The following KCNIP4 variants were observed in gnomAD, a reference collection of about 807,000 sequenced individuals.
KCNIP4 encodes potassium voltage-gated channel interacting protein 4.
In KCNIP4, 12 loss-of-function variants were observed where a neutral mutation model predicts 34.0. The ratio of observed to expected loss-of-function variants is 0.35; its 90% CI spans 0.23 to 0.57. KCNIP4 has a LOEUF of 0.57. KCNIP4 is among the 20% of genes least tolerant of loss of function. The pLI, the probability that KCNIP4 is intolerant of heterozygous loss-of-function variation, is 0.83. For missense variants in KCNIP4, 238 were observed against 311.7 expected (o/e 0.76, Z 1.78); for synonymous variants, 124 against 102.2 (o/e 1.21, Z -1.29).
rs552508280 is a variant in KCNIP4, at chr4:21,083,808, G to A, written c.62-201099C>T. 1.7e-4 allele frequency among the ~76,000 whole-genome samples: 26 copies of A among 152,034 alleles called. 1 individual carries two copies. Among genetic ancestry groups the A allele is most frequent in the African/African-American group, 6.3e-4 (26 of 41,364 alleles). On this transcript the variant is annotated intron_variant, in intron 1 of 8. Coordinates refer to ENST00000382152, the MANE Select transcript of KCNIP4 (RefSeq NM_025221.6). The stretch of plus-strand genomic sequence containing the variant: ...TTCTTACAATAGTCACAGGAAACTA[G>A]CACAACTCTCTTCTTTGAAATTCTG...
At chr4:21,522,511 C>T (rs1019324603) in intron 1 of KCNIP4, among the ~76,000 whole-genome samples, 4 of 151,972 alleles carry the variant, frequency 2.6e-5, no homozygotes, top group African/African-American at 9.7e-5. Flanking sequence ...AATGTGCATG[C>T]CACCACACAC....
Position 21,898,783 on chromosome 4 carries a change from T to C in KCNIP4, c.61+49788A>G, listed in dbSNP as rs116780185. Among the ~76,000 whole-genome samples, 1,325 of 152,260 alleles carry C rather than the reference T, an allele frequency of 8.7e-3. 15 individuals are homozygous for C. Among genetic ancestry groups the C allele is most frequent in the South Asian group, 0.034 (164 of 4,828 alleles). ...GGAAGGAAAGAGAAGTAAAGGGGAC[T>C]TCGTCTTATAGCTTGGGTACCAGCT... On this transcript the variant is annotated intron_variant, in intron 1 of 8. Transcript: ENST00000382152.
At chr4:21,578,436 T>C (rs1340139104) in intron 1 of KCNIP4, among the ~76,000 whole-genome samples, 2 of 151,978 alleles carry the variant, frequency 1.3e-5, no homozygotes, top group East Asian at 1.9e-4. Flanking sequence ...AGTTTTTATA[T>C]GCTCAGGTAA....
At chr4:21,247,995 ACACACACACC>A (rs1560213197) in intron 1 of KCNIP4, among the ~76,000 whole-genome samples, 7 of 110,290 alleles carry the variant, frequency 6.3e-5, no homozygotes, top group East Asian at 4.9e-4. Context: ...ACACACACAC[ACACACACACC>A]CCCCACAGGT....
At chr4:21,505,747 G>T (rs1733795717) in intron 1 of KCNIP4, among the ~76,000 whole-genome samples, 1 of 152,062 alleles carries the variant, frequency 6.6e-6, no homozygotes. Flanking sequence ...TGACCAATCT[G>T]AAACACAATA....
chr4:20,907,998 A>C (rs564978310), intron 1 of KCNIP4, among the ~76,000 whole-genome samples: 3 of 152,164 alleles, frequency 2.0e-5, no homozygotes. Context: ...AATACTGCAC[A>C]TTATTGTAAT....
At position 20,729,839 on chromosome 4, in the gene KCNIP4, A is replaced by C; in HGVS notation, c.*243T>G. ...TATATGCCAGATTCTATTACTTTTG[A>C]ATATTCACAGAGTATGAAATGAGTT... On this transcript the variant is annotated 3_prime_UTR_variant, in exon 9 of 9. Coordinates refer to ENST00000382152, the MANE Select transcript of KCNIP4 (RefSeq NM_025221.6). 2.6e-6 allele frequency: 1 copy of C among 383,128 alleles called. No individual in the cohort carries two copies. The highest frequency in any genetic ancestry group is 4.4e-5 in the Admixed American group (1 of 22,938). The allele number at this position is 383,128 out of a possible 1,614,324, so 23.7% of individuals were successfully genotyped here.
chr4:21,068,951 G>C (rs1369542671), intron 1 of KCNIP4, among the ~76,000 whole-genome samples: 2 of 152,080 alleles, frequency 1.3e-5, no homozygotes, highest in Non-Finnish European at 2.9e-5. Flanking sequence ...TTGAGCCTGG[G>C]CTTGAATTGC....
At chr4:21,021,782 C>A (rs970499496) in intron 1 of KCNIP4, among the ~76,000 whole-genome samples, 1 of 151,890 alleles carries the variant, frequency 6.6e-6, no homozygotes, top group Non-Finnish European at 1.5e-5. Context: ...CTCCCTGAGG[C>A]TATTTTACAG....
chr4:21,364,235 C>T (rs1194764534), intron 1 of KCNIP4, among the ~76,000 whole-genome samples: 5 of 152,070 alleles, frequency 3.3e-5, no homozygotes, highest in Non-Finnish European at 5.9e-5. Flanking sequence ...AATTCATTTA[C>T]GCATTTGCTC....
At position 21,531,920 on chromosome 4, in the gene KCNIP4, C is replaced by A. The variant is rs528555138; in HGVS notation, c.61+416651G>T. 2.0e-5 allele frequency among the ~76,000 whole-genome samples: 3 copies of A among 152,052 alleles called. No homozygotes were observed. The South Asian group carries it at 6.2e-4, about 32-fold the overall frequency. ...ATGTAAAGTCAAAGTACAAGAAAGT[C>A]TTATGCTTTCAAGCCTTGATGTAAA... On this transcript the variant is annotated intron_variant, in intron 1 of 8. Transcript: ENST00000382152.
At chr4:21,700,556 G>T (rs1186764364) in intron 1 of KCNIP4, among the ~76,000 whole-genome samples, 2 of 128,982 alleles carry the variant, frequency 1.6e-5, no homozygotes, top group Non-Finnish European at 3.0e-5. Context: ...CTGTGTTTTT[G>T]TTGTTTTTTT....
chr4:21,709,669 T>C (rs1334638361), intron 1 of KCNIP4, among the ~76,000 whole-genome samples: 1 of 152,158 alleles, frequency 6.6e-6, no homozygotes, highest in Non-Finnish European at 1.5e-5. Context: ...ATAACGGTAG[T>C]ATTAAAACAG....
intron 1 of KCNIP4, among the ~76,000 whole-genome samples, chr4:21,272,737 A>G (rs763776479): frequency 1.3e-5 from 2 of 152,188 alleles, no homozygotes; most frequent in Non-Finnish European, 2.9e-5. Flanking sequence ...TTTCATTTTA[A>G]TGCTATTATT....
intron 1 of KCNIP4, among the ~76,000 whole-genome samples, chr4:21,877,659 T>C (rs979472497): frequency 3.9e-5 from 6 of 152,140 alleles, no homozygotes; most frequent in African/African-American, 1.4e-4. Flanking sequence ...GCCTACCTGA[T>C]TTTTCACCAC....
At position 21,717,395 on chromosome 4, in the gene KCNIP4, A is replaced by G. The variant is rs188798317; in HGVS notation, c.61+231176T>C. On this transcript the variant is annotated intron_variant, in intron 1 of 8. Transcript: ENST00000382152. ...ATATTATCTATATAATTTGCTATATATTAACTATATAACTCCCTAGAATAC... is the reference window on the plus strand; with the variant it reads ...ATATTATCTATATAATTTGCTATATGTTAACTATATAACTCCCTAGAATAC... Among the ~76,000 whole-genome samples, 353 of 152,294 alleles carry G rather than the reference A, an allele frequency of 2.3e-3. 6 individuals are homozygous for G. Among genetic ancestry groups the G allele is most frequent in the Admixed American group, 3.1e-3 (48 of 15,302 alleles).
At chr4:21,594,654 G>A (rs994921661) in intron 1 of KCNIP4, among the ~76,000 whole-genome samples, 1 of 146,488 alleles carries the variant, frequency 6.8e-6, no homozygotes, top group African/African-American at 2.6e-5. Flanking sequence ...GAGCAGAATG[G>A]CTTAATTTGA....
intron 1 of KCNIP4, among the ~76,000 whole-genome samples, chr4:21,200,860 T>C (rs1456819968): frequency 1.3e-5 from 2 of 152,164 alleles, no homozygotes; most frequent in Admixed American, 1.3e-4. Context: ...TGTTGTGTTT[T>C]CCTTGGTGAC....
intron 1 of KCNIP4, among the ~76,000 whole-genome samples, chr4:21,318,404 C>G (rs1460065236): frequency 6.6e-6 from 1 of 152,140 alleles, no homozygotes; most frequent in Non-Finnish European, 1.5e-5. Flanking sequence ...TCTTGCTACT[C>G]AAGGTAGAAA....
Sources: gnomAD v4.1 joint callset for allele counts (sites outside exome capture counted in the v4.1 genomes callset) on GRCh38, gnomAD v4.1.1 for gene constraint, MANE v1.5 for transcripts, NCBI Gene and HGNC (gene_info 2026-07-23, HGNC 2026-07-21) for gene names.